The following PTCHD4 variants were observed in gnomAD, a reference collection of about 807,000 sequenced individuals.
PTCHD4 encodes the protein patched domain-containing protein 4.
PTCHD4 carries 33 observed loss-of-function variants against 58.1 expected under a neutral mutation model. That is an observed-to-expected ratio of 0.57 (90% CI 0.43 to 0.76). PTCHD4 has a LOEUF of 0.76. Among genes scored for constraint, PTCHD4 ranks in the 30% least tolerant of loss-of-function variants. The probability of loss-of-function intolerance (pLI) is 0.00; values close to 1 mark genes in which losing one functional copy is unlikely to be tolerated. For missense variants in PTCHD4, 1,058 were observed against 1,027.1 expected (o/e 1.03, Z -0.41); for synonymous variants, 478 against 409.6 (o/e 1.17, Z -2.02).
intron 1 of PTCHD4, among the ~76,000 whole-genome samples, chr6:48,106,638 A>G (rs1258549615): frequency 6.6e-6 from 1 of 152,320 alleles, no homozygotes; most frequent in Admixed American, 6.5e-5. Context: ...AGGGCATTCA[A>G]TTAGGAAAAG....
chr6:47,885,057 G>A (rs1056594760), intron 4 of PTCHD4, among the ~76,000 whole-genome samples: 4 of 152,128 alleles, frequency 2.6e-5, no homozygotes, highest in Non-Finnish European at 5.9e-5. Flanking sequence ...CCACACTTTG[G>A]TCATGATTTC....
At chr6:48,078,653 T>G (rs1052425101) in intron 1 of PTCHD4, among the ~76,000 whole-genome samples, 2 of 152,204 alleles carry the variant, frequency 1.3e-5, no homozygotes, top group African/African-American at 4.8e-5. Context: ...TTTTCTACAT[T>G]TTTTTCTTCC....
Position 47,879,507 on chromosome 6 carries a change from A to G in PTCHD4, c.1328T>C (p.Ile443Thr). The change falls in exon 5 of 5, where the codon ATT becomes ACT. Residue 443 changes from isoleucine (I) to threonine (T), a missense_variant. By Grantham distance (89) the Ile-to-Thr change is moderately conservative. Coordinates refer to ENST00000339488, the MANE Select transcript of PTCHD4 (RefSeq NM_001384253.1). ...ATAATGTTCACGGAGGAAGTGCTGA[A>G]TGAAGTGGTGCTGGTAGGGGTTCGT... The part of the protein sequence containing the change: ...HETNPYQHHF[I>T]QHFLREHYNE... The G allele has an allele frequency of 6.2e-7, 1 of 1,613,800 alleles. No individual in the cohort carries two copies. Among genetic ancestry groups the G allele is most frequent in the Non-Finnish European group, 8.5e-7 (1 of 1,179,784 alleles).
chr6:48,108,214 A>G (rs1389043319), intron 1 of PTCHD4, among the ~76,000 whole-genome samples: 1 of 152,228 alleles, frequency 6.6e-6, no homozygotes, highest in Non-Finnish European at 1.5e-5. Context: ...ATGTCCAACA[A>G]TGATGGACTG....
chr6:48,040,789 G>A (rs974036929), intron 3 of PTCHD4, among the ~76,000 whole-genome samples: 1 of 151,954 alleles, frequency 6.6e-6, no homozygotes, highest in Non-Finnish European at 1.5e-5. Flanking sequence ...TCTCATAATG[G>A]ATGGAGTTAA....
At chr6:47,888,705 G>A (rs1764276569) in intron 4 of PTCHD4, among the ~76,000 whole-genome samples, 1 of 151,220 alleles carries the variant, frequency 6.6e-6, no homozygotes, top group Admixed American at 6.6e-5. Flanking sequence ...TGTGCACATT[G>A]TGCAGGTTAG....
intron 4 of PTCHD4, among the ~76,000 whole-genome samples, chr6:48,006,976 C>T (rs1014062283): frequency 2.0e-5 from 3 of 152,172 alleles, no homozygotes; most frequent in Non-Finnish European, 4.4e-5. Flanking sequence ...TGGTGGCTTA[C>T]GCCTGTAATC....
chr6:47,887,299 TA>T, intron 4 of PTCHD4, among the ~76,000 whole-genome samples: 1 of 150,684 alleles, frequency 6.6e-6, no homozygotes, highest in East Asian at 1.9e-4. Flanking sequence ...ATTGAGGAAT[TA>T]AATATAAATT....
At chr6:48,014,006 C>T (rs1251850898) in intron 3 of PTCHD4, among the ~76,000 whole-genome samples, 3 of 152,042 alleles carry the variant, frequency 2.0e-5, no homozygotes, top group Non-Finnish European at 4.4e-5. Context: ...GCTAACTCCT[C>T]TGTTGAAGTT....
chr6:47,905,340 C>T (rs1375292536), intron 4 of PTCHD4, among the ~76,000 whole-genome samples: 1 of 152,070 alleles, frequency 6.6e-6, no homozygotes, highest in African/African-American at 2.4e-5. Context: ...CAGTCAGGAG[C>T]TGGTTTGCAG....
intron 1 of PTCHD4, among the ~76,000 whole-genome samples, chr6:48,090,717 T>A (rs966007941): frequency 6.6e-6 from 1 of 152,176 alleles, no homozygotes; most frequent in African/African-American, 2.4e-5. Flanking sequence ...TAATGTAGAA[T>A]GCGCATTGGT....
intron 4 of PTCHD4, among the ~76,000 whole-genome samples, chr6:47,987,146 A>T (rs537955442): frequency 1.4e-4 from 22 of 151,746 alleles, no homozygotes; most frequent in Non-Finnish European, 2.4e-4. Context: ...CATGAAGAGA[A>T]AAATTGGGTT....
At chr6:48,095,138 C>A (rs939910247) in intron 1 of PTCHD4, among the ~76,000 whole-genome samples, 1 of 152,092 alleles carries the variant, frequency 6.6e-6, no homozygotes, top group African/African-American at 2.4e-5. Context: ...TCAAAACTTA[C>A]CAAATTGTGT....
intron 3 of PTCHD4, among the ~76,000 whole-genome samples, chr6:48,036,459 T>C (rs184887494): frequency 6.6e-6 from 1 of 152,148 alleles, no homozygotes. Context: ...CAAAACCTCC[T>C]GAGTAGTGTG....
intron 1 of PTCHD4, among the ~76,000 whole-genome samples, chr6:48,102,414 G>T (rs9473242): frequency 0.16 from 24,298 of 152,174 alleles, 2,030 homozygotes; most frequent in African/African-American, 0.21. Context: ...CAGCCAAAAC[G>T]TCCATTTTAA....
At chr6:47,893,717 C>T (rs946222430) in intron 4 of PTCHD4, among the ~76,000 whole-genome samples, 3 of 152,072 alleles carry the variant, frequency 2.0e-5, no homozygotes, top group African/African-American at 4.8e-5. Flanking sequence ...TACTGTGCTC[C>T]CTTAAATGTT....
At chr6:47,928,999 G>A (rs1427287450) in intron 4 of PTCHD4, among the ~76,000 whole-genome samples, 4 of 152,120 alleles carry the variant, frequency 2.6e-5, no homozygotes, top group Non-Finnish European at 5.9e-5. Flanking sequence ...AGCCACATCT[G>A]AGGTATAGAG....
chr6:47,970,723 T>G (rs957984256), intron 4 of PTCHD4, among the ~76,000 whole-genome samples: 3 of 152,306 alleles, frequency 2.0e-5, no homozygotes, highest in Admixed American at 2.0e-4. Flanking sequence ...TGTTAACAGA[T>G]GTATTCCCAC....
intron 4 of PTCHD4, among the ~76,000 whole-genome samples, chr6:47,897,839 A>G (rs922607755): frequency 4.6e-5 from 7 of 152,122 alleles, no homozygotes; most frequent in Non-Finnish European, 8.8e-5. Context: ...TAGTGAGAGT[A>G]CATCTCTAAC....
Sources: allele counts gnomAD v4.1 joint callset (sites outside exome capture counted in the v4.1 genomes callset), GRCh38; gene constraint gnomAD v4.1.1; transcripts MANE v1.5; gene names NCBI Gene and HGNC (gene_info 2026-07-23, HGNC 2026-07-21).